ABTB3: variants seen among roughly 807,000 people sequenced by gnomAD.
The protein encoded by ABTB3 is ankyrin repeat and BTB domain containing 3.
At chr12:107,332,394 T>C in the ABTB3 span, among the ~76,000 whole-genome samples, 1 of 152,184 alleles carries the variant, frequency 6.6e-6, no homozygotes, top group Admixed American at 6.5e-5. Context: ...GCAGATATGG[T>C]TATCATCTCT....
the ABTB3 span, chr12:107,319,006 T>TG: frequency 8.7e-6 from 14 of 1,613,722 alleles, no homozygotes; most frequent in Non-Finnish European, 1.2e-5. Context: ...ACTCGGGTTA[T>TG]GGTGGCGCGG....
the ABTB3 span, among the ~76,000 whole-genome samples, chr12:107,415,893 G>A: frequency 6.6e-6 from 1 of 152,024 alleles, no homozygotes; most frequent in Non-Finnish European, 1.5e-5. Flanking sequence ...TTCAGGGGCT[G>A]GTGAGAGTGG....
the ABTB3 span, among the ~76,000 whole-genome samples, chr12:107,471,427 G>T: frequency 6.6e-6 from 1 of 152,148 alleles, no homozygotes; most frequent in Admixed American, 6.5e-5. Context: ...AGAAGTACAG[G>T]CTCCCATTGC....
chr12:107,484,314 G>A, the ABTB3 span, among the ~76,000 whole-genome samples: 3 of 152,240 alleles, frequency 2.0e-5, no homozygotes, highest in African/African-American at 7.2e-5. Context: ...TGTACACGCT[G>A]AAGGAGGTGA....
At chr12:107,505,138 C>T in the ABTB3 span, among the ~76,000 whole-genome samples, 1 of 152,116 alleles carries the variant, frequency 6.6e-6, no homozygotes. Flanking sequence ...ATGTATACCT[C>T]CATTCACCCC....
At chr12:107,523,163 G>A in the ABTB3 span, among the ~76,000 whole-genome samples, 2 of 152,208 alleles carry the variant, frequency 1.3e-5, no homozygotes, top group African/African-American at 2.4e-5. Context: ...TCCCAGAGGA[G>A]TTCCCTGTAC....
the ABTB3 span, among the ~76,000 whole-genome samples, chr12:107,369,333 C>T: frequency 1.3e-5 from 2 of 151,560 alleles, no homozygotes; most frequent in African/African-American, 4.9e-5. Flanking sequence ...ATTATAGAAC[C>T]ATTCCTTTCC....
the ABTB3 span, among the ~76,000 whole-genome samples, chr12:107,592,920 A>C: frequency 6.6e-6 from 1 of 152,222 alleles, no homozygotes; most frequent in Non-Finnish European, 1.5e-5. Context: ...AAAATAATTC[A>C]TTAACAATAA....
chr12:107,422,119 G>A, the ABTB3 span, among the ~76,000 whole-genome samples: 3 of 152,162 alleles, frequency 2.0e-5, no homozygotes, highest in Non-Finnish European at 4.4e-5. Flanking sequence ...GTCAAGGAGG[G>A]GTCTCGAGGA....
chr12:107,608,897 T>A, the ABTB3 span, among the ~76,000 whole-genome samples: 4 of 43,704 alleles, frequency 9.2e-5, no homozygotes, highest in African/African-American at 4.5e-4. Flanking sequence ...ATAAAATAAA[T>A]AAAATAAAAT....
chr12:107,544,214 GGAT>G, the ABTB3 span: 1 of 1,458,830 alleles, frequency 6.9e-7, no homozygotes, highest in Non-Finnish European at 9.4e-7. Context: ...AGGATGGGGA[GGAT>G]GATGGGGGTA....
At chr12:107,564,086 CTCTCTG>C in the ABTB3 span, among the ~76,000 whole-genome samples, 1 of 107,696 alleles carries the variant, frequency 9.3e-6, no homozygotes, top group African/African-American at 4.1e-5. Context: ...CTCTATCTAT[CTCTCTG>C]TGTGTGTGTG....
At chr12:107,652,897 TTTTATTTA>T in the ABTB3 span, among the ~76,000 whole-genome samples, 12 of 152,122 alleles carry the variant, frequency 7.9e-5, no homozygotes, top group African/African-American at 2.9e-4. Context: ...AGTTAGGTTG[TTTTATTTA>T]TTTATTTATT....
At chr12:107,394,217 C>A in the ABTB3 span, among the ~76,000 whole-genome samples, 1 of 144,990 alleles carries the variant, frequency 6.9e-6, no homozygotes, top group African/African-American at 2.5e-5. Flanking sequence ...CCCTTGTTGG[C>A]CCATTTGACA....
At chr12:107,342,604 T>G in the ABTB3 span, among the ~76,000 whole-genome samples, 7 of 152,118 alleles carry the variant, frequency 4.6e-5, no homozygotes, top group African/African-American at 1.7e-4. Flanking sequence ...TATTGTCCTA[T>G]TGACTGCAGG....
At chr12:107,488,662 G>A in the ABTB3 span, among the ~76,000 whole-genome samples, 4 of 149,352 alleles carry the variant, frequency 2.7e-5, no homozygotes, top group African/African-American at 9.8e-5. Context: ...GCAATTATAT[G>A]TATATATATA....
chr12:107,392,535 T>C, the ABTB3 span, among the ~76,000 whole-genome samples: 1 of 152,218 alleles, frequency 6.6e-6, no homozygotes. Flanking sequence ...CCCGAGCCTT[T>C]GTTCATTCTC....
the ABTB3 span, among the ~76,000 whole-genome samples, chr12:107,653,234 T>C: frequency 1.3e-5 from 2 of 152,120 alleles, no homozygotes; most frequent in Non-Finnish European, 2.9e-5. Flanking sequence ...CAGATTGCAT[T>C]GGCCGGGCAC....
chr12:107,466,640 C>G, the ABTB3 span, among the ~76,000 whole-genome samples: 1 of 151,948 alleles, frequency 6.6e-6, no homozygotes, highest in Non-Finnish European at 1.5e-5. Flanking sequence ...CAGACTTCGG[C>G]AGGGTGGGGA....
Sources: gnomAD v4.1 joint callset for allele counts (sites outside exome capture counted in the v4.1 genomes callset) on GRCh38, gnomAD v4.1.1 for gene constraint, MANE v1.5 for transcripts, NCBI Gene and HGNC (gene_info 2026-07-23, HGNC 2026-07-21) for gene names.